The following CSRNP1 variants were observed in gnomAD, a reference collection of about 807,000 sequenced individuals.
The protein encoded by CSRNP1 is cysteine/serine-rich nuclear protein 1.
Under a neutral mutation model 25.0 loss-of-function variants are expected in CSRNP1, and 8 were observed. The ratio of observed to expected loss-of-function variants is 0.32; its 90% confidence interval spans 0.19 to 0.58. CSRNP1 has a LOEUF of 0.58. Among genes scored for constraint, CSRNP1 ranks in the 20% least tolerant of loss-of-function variants. CSRNP1 has a pLI of 0.88. For missense variants in CSRNP1, 691 were observed against 773.1 expected (o/e 0.89, Z 1.26); for synonymous variants, 305 against 303.1 (o/e 1.01, Z -0.06).
rs1270293679 is a variant in CSRNP1, at chr3:39,146,469, A to G, written c.205+9T>C. 1 of 1,527,240 alleles carries G rather than the reference A, an allele frequency of 6.5e-7. No individual in the cohort carries two copies. The highest frequency in any genetic ancestry group is 1.2e-5 in the South Asian group (1 of 80,932). The allele number at this position is 1,527,240 out of a possible 1,614,324, so 94.6% of individuals were successfully genotyped here. A position where few individuals can be genotyped will look rare whatever the true frequency, so the allele number is the denominator to read the frequency against. On this transcript the variant is annotated intron_variant, in intron 2 of 4. Coordinates refer to ENST00000273153, the MANE Select transcript of CSRNP1 (RefSeq NM_033027.4). ...AGGTGATGGAGTTCCCAGGGGAGGG[A>G]GTACTCACGGGTGAAACTTCTGGGG...
At chr3:39,146,791 T>C (rs1397854198) in intron 1 of CSRNP1, 69 bp from the exon 2 acceptor site, 44 of 1,493,216 alleles carry the variant, frequency 2.9e-5, no homozygotes, top group Non-Finnish European at 3.5e-5. Context: ...GCCAGGATCA[T>C]CATCCCTCCC....
At position 39,143,536 on chromosome 3, in the gene CSRNP1, C is replaced by A; in HGVS notation, c.1289G>T (p.Gly430Val). ...GGCCAGGCCACCAGGGTCACTAGTA[C>A]CAAAGATGTCAGCTGGATGGAAGCA... ...LSCFHPADIF[G>V]TSDPGGLASW... Residue 430 changes from glycine (G) to valine (V), a missense_variant, in exon 5 of 5, where the codon GGT becomes GTT. By Grantham distance (109) the Gly-to-Val change is moderately radical. Coordinates refer to ENST00000273153, the MANE Select transcript of CSRNP1 (RefSeq NM_033027.4). 2 of 1,614,234 alleles carry A rather than the reference C, an allele frequency of 1.2e-6. No individual in the cohort carries two copies. Among genetic ancestry groups the A allele is most frequent in the Non-Finnish European group, 1.7e-6 (2 of 1,180,036 alleles).
intron 1 of CSRNP1, among the ~76,000 whole-genome samples, chr3:39,147,458 C>T (rs960546440): frequency 1.3e-5 from 2 of 152,068 alleles, no homozygotes; most frequent in African/African-American, 4.8e-5. Context: ...GAGCCCTTCC[C>T]CTCCCGGTGT....
chr3:39,148,835 C>T (rs1424574493), intron 1 of CSRNP1: 1 of 50,832 alleles, frequency 2.0e-5, no homozygotes, highest in Non-Finnish European at 5.5e-5. Flanking sequence ...GGCCACGTGG[C>T]CGTGTTAAGA....
Position 39,143,080 on chromosome 3 carries a change from G to A in CSRNP1, c.1745C>T (p.Ser582Phe), listed in dbSNP as rs202204996. ...DSQFEDTVPA[S>F]LMEPVPV is the part of the protein sequence containing the mutation. ...TCACACCGGCACAGGCTCCATTAGAGATGCTGGGACAGTGTCCTCAAACTG... is the reference window on the plus strand; with the variant it reads ...TCACACCGGCACAGGCTCCATTAGAAATGCTGGGACAGTGTCCTCAAACTG... The change falls in exon 5 of 5, where the codon TCT becomes TTT. Residue 582 changes from serine (S) to phenylalanine (F), a missense_variant. Ser to Phe is a radical substitution (Grantham distance 155). Transcript: ENST00000273153. The A allele has an allele frequency of 1.3e-6, 2 of 1,595,428 alleles. No individual in the cohort carries two copies. The highest frequency in any genetic ancestry group is 3.4e-5 in the Admixed American group (2 of 58,430).
At chr3:39,147,338 G>A (rs1351631733) in intron 1 of CSRNP1, among the ~76,000 whole-genome samples, 2 of 152,008 alleles carry the variant, frequency 1.3e-5, no homozygotes, top group East Asian at 1.9e-4. Context: ...AAACAGGCAC[G>A]CCACTCTGCA....
chr3:39,143,496 G>A lies in CSRNP1; in HGVS notation c.1329C>T (p.Ser443=). The change falls in exon 5 of 5, where the codon AGC becomes AGT. Residue 443 remains serine (S), a synonymous_variant. Transcript: ENST00000273153. ...CTGATGTGAAGCTACAGCCAGAATA[G>A]CTGTGGGTCCAGCTGGCCAGGCCAC... The part of the protein sequence containing the change: ...DPGGLASWTH[S]YSGCSFTSGV... 1 of 1,614,160 alleles carries A rather than the reference G, an allele frequency of 6.2e-7. No homozygotes were observed. Among genetic ancestry groups the A allele is most frequent in the Non-Finnish European group, 8.5e-7 (1 of 1,179,978 alleles).
At chr3:39,145,437 T>G (rs2039495443) in intron 2 of CSRNP1, among the ~76,000 whole-genome samples, 181 bp from the exon 3 acceptor site, 1 of 152,214 alleles carries the variant, frequency 6.6e-6, no homozygotes, top group African/African-American at 2.4e-5. Flanking sequence ...CGGCTGAAAC[T>G]GAATACCACA....
chr3:39,154,214 A>G (rs1391839100), upstream of CSRNP1: 2 of 152,228 alleles, frequency 1.3e-5, no homozygotes, highest in African/African-American at 4.8e-5. Context: ...ATTCCTGCCC[A>G]CGGGCCAAGA....
At position 39,143,548 on chromosome 3, in the gene CSRNP1, G is replaced by C. The variant is rs778065909; in HGVS notation, c.1277C>G (p.Ala426Gly). 1.2e-6 allele frequency: 2 copies of C among 1,614,236 alleles called. No homozygotes were observed. Among genetic ancestry groups the C allele is most frequent in the Non-Finnish European group, 1.7e-6 (2 of 1,180,046 alleles). The change falls in exon 5 of 5, where the codon GCT becomes GGT. Residue 426 changes from alanine to glycine, a missense_variant. Coordinates refer to ENST00000273153, the MANE Select transcript of CSRNP1 (RefSeq NM_033027.4). ...NLDNLSCFHP[A>G]DIFGTSDPGG... Reference sequence around the variant, plus strand: ...AGGGTCACTAGTACCAAAGATGTCAGCTGGATGGAAGCAGCTGAGGTTGTC... The same window carrying C: ...AGGGTCACTAGTACCAAAGATGTCACCTGGATGGAAGCAGCTGAGGTTGTC...
chr3:39,153,490 G>A lies in CSRNP1; in HGVS notation c.-93C>T, dbSNP rs1644359143. On this transcript the variant is annotated 5_prime_UTR_variant, in exon 1 of 5. Coordinates refer to ENST00000273153, the MANE Select transcript of CSRNP1 (RefSeq NM_033027.4). Reference sequence around the variant, plus strand: ...ACGACGCGACCCGCGTCCCGGCCGGGGACGCCCCCTGCGCCGCGACTCTGT... The same window carrying A: ...ACGACGCGACCCGCGTCCCGGCCGGAGACGCCCCCTGCGCCGCGACTCTGT... 1 of 312,564 alleles carries A rather than the reference G, an allele frequency of 3.2e-6. No homozygotes were observed. The highest frequency in any genetic ancestry group is 2.1e-5 in the South Asian group (1 of 47,510). The allele number at this position is 312,564 out of a possible 1,614,324, so 19.4% of individuals were successfully genotyped here. A position where few individuals can be genotyped will look rare whatever the true frequency, so the allele number is the denominator to read the frequency against.
intron 1 of CSRNP1, 41 bp from the exon 2 acceptor site, chr3:39,146,763 GC>G: frequency 6.6e-7 from 1 of 1,516,254 alleles, no homozygotes. Context: ...CAGGCAGGCA[GC>G]AGCAGGTGGA....
intron 1 of CSRNP1, among the ~76,000 whole-genome samples, chr3:39,147,617 G>A (rs1023546733): frequency 1.3e-5 from 2 of 151,964 alleles, no homozygotes; most frequent in South Asian, 2.1e-4. Flanking sequence ...CTGTGGCTTC[G>A]TGACATGGAG....
chr3:39,144,498 G>A, intron 3 of CSRNP1, 47 bp from the exon 4 acceptor site: 1 of 1,537,780 alleles, frequency 6.5e-7, no homozygotes. Context: ...ACATGGACAT[G>A]GGCTTAGCCC....
In CSRNP1 at chr3:39,144,319, G is replaced by C. The variant is rs910032303; in HGVS notation, c.598C>G (p.Gln200Glu). ...CGACGTCGCCGGGCTGGGTAGGGCTGTAGGAAGCTCACTTCTTCCAACCGG... is the reference window on the plus strand; with the variant it reads ...CGACGTCGCCGGGCTGGGTAGGGCTCTAGGAAGCTCACTTCTTCCAACCGG... The part of the protein sequence containing the change: ...GGRLEEVSFL[Q>E]PYPARRRRAL... The change falls in exon 4 of 5, where the codon CAG (glutamine) becomes GAG (glutamate). Residue 200 changes from glutamine (Q) to glutamate (E), a missense_variant. Physicochemically the swap from Gln to Glu is conservative, Grantham distance 29 (BLOSUM62 2). Transcript: ENST00000273153. The C allele has an allele frequency of 1.1e-5, 17 of 1,614,054 alleles. No individual in the cohort carries two copies. Among genetic ancestry groups the C allele is most frequent in the Non-Finnish European group, 1.4e-5 (17 of 1,180,052 alleles).
Position 39,143,873 on chromosome 3 carries a change from C to T in CSRNP1, c.952G>A (p.Gly318Ser). The change falls in exon 5 of 5, where the codon GGC becomes AGC. Residue 318 changes from glycine to serine, a missense_variant. Physicochemically the swap from Gly to Ser is moderately conservative, Grantham distance 56 (BLOSUM62 0). Transcript: ENST00000273153. ...SFRELEAPAQ[G>S]SPPSPGEEAL... is the part of the protein sequence containing the mutation. The stretch of plus-strand genomic sequence containing the variant: ...TCCTCACCAGGGCTGGGTGGGCTGC[C>T]CTGGGCAGGGGCCTCCAGCTCCCTA... 1.2e-6 allele frequency: 2 copies of T among 1,614,126 alleles called. No homozygotes were observed.
intron 3 of CSRNP1, 81 bp from the exon 4 acceptor site, chr3:39,144,532 C>A: frequency 7.3e-7 from 1 of 1,366,150 alleles, no homozygotes; most frequent in Non-Finnish European, 9.8e-7. Context: ...CAAACCCTCC[C>A]CAAGTGCTTA....
At chr3:39,147,306 C>T (rs1288623925) in intron 1 of CSRNP1, among the ~76,000 whole-genome samples, 3 of 151,766 alleles carry the variant, frequency 2.0e-5, no homozygotes, top group Non-Finnish European at 4.4e-5. Context: ...CTGCTTCCTC[C>T]TCCTCCTCCT....
intron 1 of CSRNP1, chr3:39,149,172 T>C (rs936687901): frequency 1.3e-5 from 2 of 150,120 alleles, no homozygotes; most frequent in Admixed American, 1.3e-4. Flanking sequence ...CAGATGCATC[T>C]CACAGACATC....
Sources: allele counts gnomAD v4.1 joint callset (sites outside exome capture counted in the v4.1 genomes callset), GRCh38; gene constraint gnomAD v4.1.1; transcripts MANE v1.5; gene names NCBI Gene and HGNC (gene_info 2026-07-23, HGNC 2026-07-21).